The following KCNK10 variants were observed in gnomAD, a reference collection of about 807,000 sequenced individuals.
The protein encoded by KCNK10 is potassium two pore domain channel subfamily K member 10, also known as potassium channel subfamily K member 10.
Under a neutral mutation model 47.7 loss-of-function variants are expected in KCNK10, and 25 were observed. That is an observed-to-expected ratio of 0.52 (90% CI 0.38 to 0.73). The LOEUF is 0.73. Among genes scored for constraint, KCNK10 ranks in the 30% least tolerant of loss-of-function variants. The pLI, the probability that KCNK10 is intolerant of heterozygous loss-of-function variation, is 0.00. For synonymous variants in KCNK10, 303 were observed against 285.6 expected (o/e 1.06, Z -0.61); for missense variants, 563 against 714.5 (o/e 0.79, Z 2.42).
chr14:88,210,444 G>A (rs1204894355), intron 4 of KCNK10, among the ~76,000 whole-genome samples: 1 of 152,238 alleles, frequency 6.6e-6, no homozygotes, highest in Non-Finnish European at 1.5e-5. Flanking sequence ...GGAGCATGAA[G>A]GAACAGCCAC....
At chr14:88,213,473 C>T (rs1332428261) in intron 4 of KCNK10, among the ~76,000 whole-genome samples, 2 of 152,098 alleles carry the variant, frequency 1.3e-5, no homozygotes, top group Non-Finnish European at 2.9e-5. Context: ...AATGTGATTG[C>T]TAATAGAATT....
intron 4 of KCNK10, among the ~76,000 whole-genome samples, chr14:88,204,681 T>C (rs1566684325): frequency 6.6e-6 from 1 of 152,052 alleles, no homozygotes; most frequent in Non-Finnish European, 1.5e-5. Context: ...GGATGGTTTA[T>C]TGGTGCCCCA....
chr14:88,324,787 T>A (rs970479756), upstream of KCNK10, among the ~76,000 whole-genome samples: 10 of 152,180 alleles, frequency 6.6e-5, no homozygotes, highest in Non-Finnish European at 1.3e-4. Flanking sequence ...GGGAGCCCTA[T>A]GTCAGCAGCA....
At position 88,186,988 on chromosome 14, in the gene KCNK10, G is replaced by A. The variant is rs1349458578; in HGVS notation, c.1012-833C>T. Reference sequence around the variant, plus strand: ...AAGTCCCATGCTTCCCTCTGCAAATGAGGAACTCAAATTTGTGCATCCAGG... The same window carrying A: ...AAGTCCCATGCTTCCCTCTGCAAATAAGGAACTCAAATTTGTGCATCCAGG... On this transcript the variant is annotated intron_variant, in intron 6 of 6. Transcript: ENST00000319231. This position sits in a 1 kb window ranked among gnomAD's most constrained non-coding sequence, Gnocchi z 5.5. Among the ~76,000 whole-genome samples the A allele has an allele frequency of 6.6e-6, 1 of 152,238 alleles. No individual in the cohort carries two copies. The highest frequency in any genetic ancestry group is 2.4e-5 in the African/African-American group (1 of 41,468).
chr14:88,300,649 G>A (rs527239298), intron 1 of KCNK10, among the ~76,000 whole-genome samples: 4 of 152,260 alleles, frequency 2.6e-5, no homozygotes, highest in African/African-American at 9.6e-5. Context: ...CACAAAGACT[G>A]AGTTTTAATA....
At chr14:88,250,925 G>A (rs1055961577) in intron 2 of KCNK10, among the ~76,000 whole-genome samples, 1 of 152,124 alleles carries the variant, frequency 6.6e-6, no homozygotes, top group African/African-American at 2.4e-5. Flanking sequence ...TCTAAATGAA[G>A]GGCTCTTGGT....
At chr14:88,281,751 T>C (rs372454507) in intron 1 of KCNK10, among the ~76,000 whole-genome samples, 108 of 138,192 alleles carry the variant, frequency 7.8e-4, no homozygotes, top group East Asian at 3.7e-3. Flanking sequence ...TATATATATA[T>C]ACACATACAC....
At chr14:88,209,560 G>A (rs965695254) in intron 4 of KCNK10, among the ~76,000 whole-genome samples, 6 of 152,214 alleles carry the variant, frequency 3.9e-5, no homozygotes, top group Non-Finnish European at 7.3e-5. Context: ...TCGCTGCATC[G>A]CGGCCAGTGC....
chr14:88,201,944 C>G (rs1885115567), intron 4 of KCNK10, among the ~76,000 whole-genome samples: 1 of 152,142 alleles, frequency 6.6e-6, no homozygotes, highest in African/African-American at 2.4e-5. Context: ...AGTGCCCTAC[C>G]CTTTGGTAGG....
At chr14:88,194,805 C>T (rs1884857830) in intron 4 of KCNK10, among the ~76,000 whole-genome samples, 1 of 152,148 alleles carries the variant, frequency 6.6e-6, no homozygotes, top group African/African-American at 2.4e-5. Context: ...GGCTGCTTCT[C>T]CTAGACATCC....
At chr14:88,325,130 G>T (rs1888633976), upstream of KCNK10, among the ~76,000 whole-genome samples, 2 of 152,152 alleles carry the variant, frequency 1.3e-5, no homozygotes, top group South Asian at 4.1e-4. Context: ...AGGAATCTCT[G>T]CTTCTCCCAG....
chr14:88,303,145 C>T (rs1293412950), intron 1 of KCNK10, among the ~76,000 whole-genome samples: 1 of 152,178 alleles, frequency 6.6e-6, no homozygotes, highest in Admixed American at 6.5e-5. Flanking sequence ...ATAATATCTG[C>T]TGATGTGATC....
intron 3 of KCNK10, among the ~76,000 whole-genome samples, chr14:88,229,549 A>T (rs1196054245): frequency 6.6e-6 from 1 of 152,336 alleles, no homozygotes; most frequent in South Asian, 2.1e-4. Flanking sequence ...CACAAAAATA[A>T]TATTAAAGCT....
chr14:88,226,477 A>C (rs1219211773), intron 4 of KCNK10, among the ~76,000 whole-genome samples: 2 of 152,188 alleles, frequency 1.3e-5, no homozygotes, highest in African/African-American at 4.8e-5. Context: ...AGACCTCAGA[A>C]TGTCATTTGT....
At chr14:88,287,311 A>G (rs1248251993) in intron 1 of KCNK10, among the ~76,000 whole-genome samples, 1 of 152,186 alleles carries the variant, frequency 6.6e-6, no homozygotes, top group African/African-American at 2.4e-5. Context: ...TTAGATTGCC[A>G]CAAGTTCTTT....
At position 88,180,820 on chromosome 14, in the gene KCNK10, C is replaced by T. The variant is rs1884321306; in HGVS notation, c.*4715G>A. 1 of 398,730 alleles carries T rather than the reference C, an allele frequency of 2.5e-6. No individual in the cohort carries two copies. Among genetic ancestry groups the T allele is most frequent in the East Asian group, 3.5e-5 (1 of 28,200 alleles). The allele number at this position is 398,730 out of a possible 1,614,324, so 24.7% of individuals were successfully genotyped here. The stretch of plus-strand genomic sequence containing the variant: ...TATGGTGCAGAGACAGAGGACAGGG[C>T]TTTGCTTACAGCCATGTAATTAGCA... On this transcript the variant is annotated 3_prime_UTR_variant, in exon 7 of 7. Coordinates refer to ENST00000319231, the MANE Select transcript of KCNK10 (RefSeq NM_138317.3).
chr14:88,307,053 T>C (rs752884285), intron 1 of KCNK10, among the ~76,000 whole-genome samples: 29 of 152,238 alleles, frequency 1.9e-4, no homozygotes, highest in Admixed American at 9.2e-4. Flanking sequence ...GTGTTCAGCA[T>C]GATGCAGAGG....
At chr14:88,234,156 T>C (rs776819472) in intron 3 of KCNK10, among the ~76,000 whole-genome samples, 40 of 152,234 alleles carry the variant, frequency 2.6e-4, no homozygotes, top group Non-Finnish European at 5.4e-4. Context: ...CTAAATGGTG[T>C]CAGGCCACCC....
Position 88,184,516 on chromosome 14 carries a change from C to A in KCNK10, c.*1019G>T, listed in dbSNP as rs1029669302. On this transcript the variant is annotated 3_prime_UTR_variant, in exon 7 of 7. Coordinates refer to ENST00000319231, the MANE Select transcript of KCNK10 (RefSeq NM_138317.3). The stretch of plus-strand genomic sequence containing the variant: ...CCTAAGACACCCAAGGGACAAAAAG[C>A]CCTGAGATGGAAAGATGCCATGGTC... 3.3e-5 allele frequency: 5 copies of A among 152,268 alleles called. No individual in the cohort carries two copies. The highest frequency in any genetic ancestry group is 6.5e-5 in the Admixed American group (1 of 15,276). 9.4% of individuals were successfully genotyped at this position (152,268 alleles called of 1,614,324 possible).
Sources: allele counts gnomAD v4.1 joint callset (sites outside exome capture counted in the v4.1 genomes callset), GRCh38; gene constraint gnomAD v4.1.1; non-coding constraint Gnocchi (gnomAD v3.1); transcripts MANE v1.5; gene names NCBI Gene and HGNC (gene_info 2026-07-23, HGNC 2026-07-21).